Variants in LARP4B observed in about 807,000 individuals in gnomAD.
LARP4B encodes La ribonucleoprotein 4B, also known as la-related protein 4B.
A neutral mutation model predicts 89.8 loss-of-function variants in LARP4B; 12 were observed. That is an observed-to-expected ratio of 0.13 (90% CI 0.09 to 0.22). The LOEUF is 0.22. Among genes scored for constraint, LARP4B ranks in the 10% least tolerant of loss-of-function variants. The probability of loss-of-function intolerance (pLI) is 1.00; values close to 1 mark genes in which losing one functional copy is unlikely to be tolerated. For missense variants in LARP4B, 757 were observed against 947.7 expected (o/e 0.80, Z 2.64); for synonymous variants, 367 against 363.3 (o/e 1.01, Z -0.12).
At position 822,521 on chromosome 10, in the gene LARP4B, T is replaced by C. The variant is rs1399252752; in HGVS notation, c.1485-1676A>G. Among the ~76,000 whole-genome samples the C allele has an allele frequency of 2.0e-5, 3 of 152,166 alleles. No homozygotes were observed. The highest frequency in any genetic ancestry group is 7.2e-5 in the African/African-American group (3 of 41,442). ...AGCCAACACTCCCCCACACCCTCAC[T>C]GGGCTCCACGTAACCCGTGTCAGAC... On this transcript the variant is annotated intron_variant, in intron 13 of 17. Coordinates refer to ENST00000316157, the MANE Select transcript of LARP4B (RefSeq NM_015155.3). This position sits in a 1 kb window ranked among gnomAD's most constrained non-coding sequence, Gnocchi z 4.6.
Position 815,182 on chromosome 10 carries a change from T to C in LARP4B, c.1696-112A>G, listed in dbSNP as rs940216614. On this transcript the variant is annotated intron_variant, in intron 15 of 17. Coordinates refer to ENST00000316157, the MANE Select transcript of LARP4B (RefSeq NM_015155.3). ...GCCTTGGGAGAGCAGCACAAGGACA[T>C]AGGGGAAGAGGGTCTTCTCCAGCAA... The C allele has an allele frequency of 5.3e-5, 70 of 1,310,938 alleles. 1 individual carries two copies. Among genetic ancestry groups the C allele is most frequent in the Admixed American group, 3.5e-4 (13 of 37,112 alleles). The allele number at this position is 1,310,938 out of a possible 1,614,324, so 81.2% of individuals were successfully genotyped here.
At chr10:858,842 T>A (rs1321875853) in intron 5 of LARP4B, among the ~76,000 whole-genome samples, 2 of 152,126 alleles carry the variant, frequency 1.3e-5, no homozygotes, top group African/African-American at 4.8e-5. Flanking sequence ...CCCACTAGAA[T>A]GACTACTATC....
At position 844,483 on chromosome 10, in the gene LARP4B, G is replaced by A. The variant is rs533449002; in HGVS notation, c.509+494C>T. ...CAGAAAACCTTATACACGGCCCATCGGTTGTTGTCATACTCAGAGAAATTA... is the reference window on the plus strand; with the variant it reads ...CAGAAAACCTTATACACGGCCCATCAGTTGTTGTCATACTCAGAGAAATTA... On this transcript the variant is annotated intron_variant, in intron 6 of 17. Coordinates refer to ENST00000316157, the MANE Select transcript of LARP4B (RefSeq NM_015155.3). Among the ~76,000 whole-genome samples, 3 of 152,204 alleles carry A rather than the reference G, an allele frequency of 2.0e-5. No homozygotes were observed. In the South Asian group the frequency reaches 6.2e-4, roughly 32 times the overall value.
rs1187300171 is a variant in LARP4B, at chr10:812,911, C to G, written c.*15G>C. 1 of 1,523,398 alleles carries G rather than the reference C, an allele frequency of 6.6e-7. No individual in the cohort carries two copies. The highest frequency in any genetic ancestry group is 8.8e-7 in the Non-Finnish European group (1 of 1,142,060). 94.4% of individuals were successfully genotyped at this position (1,523,398 alleles called of 1,614,324 possible). Reference sequence around the variant, plus strand: ...TTAACACAGCGCTCTGCGACCCCTCCCAGACGTACGGTTTTCACTGAGGAG... The same window carrying G: ...TTAACACAGCGCTCTGCGACCCCTCGCAGACGTACGGTTTTCACTGAGGAG... On this transcript the variant is annotated 3_prime_UTR_variant, in exon 18 of 18. Transcript: ENST00000316157.
chr10:882,938 A>G (rs529518700), intron 3 of LARP4B, among the ~76,000 whole-genome samples: 1 of 152,268 alleles, frequency 6.6e-6, no homozygotes, highest in Non-Finnish European at 1.5e-5. Flanking sequence ...CTAATCACTA[A>G]ACCAATGCAA....
intron 7 of LARP4B, among the ~76,000 whole-genome samples, chr10:836,818 T>C (rs1269137425): frequency 6.6e-6 from 1 of 152,238 alleles, no homozygotes; most frequent in African/African-American, 2.4e-5. Context: ...TCTTGTTTCA[T>C]AACTTGTTTC....
At chr10:910,738 T>C (rs78136720) in intron 1 of LARP4B, among the ~76,000 whole-genome samples, 1,810 of 152,348 alleles carry the variant, frequency 0.012, 33 homozygotes, top group African/African-American at 0.041. Flanking sequence ...TGGCAGATAC[T>C]GGTGGTTACG....
At chr10:978,290 T>C in the LARP4B span, among the ~76,000 whole-genome samples, 4 of 152,342 alleles carry the variant, frequency 2.6e-5, no homozygotes, top group South Asian at 2.1e-4. Flanking sequence ...TTTGTACTCA[T>C]GTACAGAGAA....
chr10:919,670 G>C (rs140634000), intron 1 of LARP4B, among the ~76,000 whole-genome samples: 2 of 152,334 alleles, frequency 1.3e-5, no homozygotes, highest in African/African-American at 4.8e-5. Context: ...AGAGCTCACA[G>C]CAAGTCACAT....
At chr10:945,548 CAT>C in the LARP4B span, among the ~76,000 whole-genome samples, 2 of 151,860 alleles carry the variant, frequency 1.3e-5, no homozygotes, top group Non-Finnish European at 2.9e-5. Context: ...ATTAGCCGGG[CAT>C]GGTGGCGGGC....
rs189699432 is a variant in LARP4B at position 885,426 on chromosome 10, G to A, written c.81+215C>T. Among the ~76,000 whole-genome samples the A allele has an allele frequency of 7.8e-4, 119 of 152,264 alleles. 1 individual carries two copies. The Middle Eastern group carries it at 0.01, about 13-fold the overall frequency. ...AACTTATTACTAAATAAATGTGTAT[G>A]CTTTTCTCTTGTTCATCTGTCTTTT... On this transcript the variant is annotated intron_variant, in intron 2 of 17. Coordinates refer to ENST00000316157, the MANE Select transcript of LARP4B (RefSeq NM_015155.3).
rs1259958247 is a variant in LARP4B at position 814,817 on chromosome 10, G to C, written c.1854C>G (p.Thr618=). ...CGGAAGGAAGTCTGTCCACACTGTG[G>C]GTTTCCCTCTGTTTCTCCGCCACCT... ...DPKVAEKQRE[T]HSVDRLPSAL... Residue 618 remains threonine (T), a synonymous_variant, in exon 17 of 18, where the codon ACC becomes ACG. Transcript: ENST00000316157. This position sits in a 1 kb window ranked among gnomAD's most constrained non-coding sequence, Gnocchi z 4.4. The C allele has an allele frequency of 3.8e-6, 6 of 1,598,146 alleles. No individual in the cohort carries two copies. Among genetic ancestry groups the C allele is most frequent in the Non-Finnish European group, 5.1e-6 (6 of 1,167,794 alleles).
chr10:940,159 A>G, the LARP4B span, among the ~76,000 whole-genome samples: 1 of 149,346 alleles, frequency 6.7e-6, no homozygotes, highest in African/African-American at 2.5e-5. Context: ...CTGGGATTAC[A>G]GGCATGCACC....
At chr10:864,708 C>T (rs993526445) in intron 3 of LARP4B, among the ~76,000 whole-genome samples, 6 of 152,214 alleles carry the variant, frequency 3.9e-5, no homozygotes, top group African/African-American at 1.4e-4. Context: ...AATCCCAGCA[C>T]TTTGGGAGGC....
At position 813,111 on chromosome 10, in the gene LARP4B, C is replaced by A. The variant is rs779589915; in HGVS notation, c.2032G>T (p.Gly678Cys). Residue 678 changes from glycine to cysteine, a missense_variant, in exon 18 of 18, where the codon GGT becomes TGT. Gly to Cys is a radical substitution (Grantham distance 159). This residue lies in a region of LARP4B where 387 missense variants were observed against 423.6 expected (regional missense o/e 0.91). Transcript: ENST00000316157. ...AGCTTCTTTTCCTCCTTCCCACAAC[C>A]AACAGTGTTTGGCTTTTGTTCTTTT... ...PQKEQKPNTV[G>C]CGKEEKKLAE... The A allele has an allele frequency of 7.7e-5, 125 of 1,614,050 alleles. No homozygotes were observed. Among genetic ancestry groups the A allele is most frequent in the Non-Finnish European group, 8.5e-7 (1 of 1,180,036 alleles).
the LARP4B span, among the ~76,000 whole-genome samples, chr10:982,066 G>A: frequency 6.9e-6 from 1 of 143,964 alleles, no homozygotes; most frequent in African/African-American, 2.6e-5. Context: ...TTTTTTTTTT[G>A]ATCTGCTACT....
intron 3 of LARP4B, among the ~76,000 whole-genome samples, chr10:874,249 A>G (rs1016791178): frequency 1.3e-5 from 2 of 152,206 alleles, no homozygotes; most frequent in African/African-American, 4.8e-5. Flanking sequence ...AAAACAAAAC[A>G]AAACAAAACA....
At chr10:859,731 G>A (rs997943046) in intron 5 of LARP4B, among the ~76,000 whole-genome samples, 2 of 152,178 alleles carry the variant, frequency 1.3e-5, no homozygotes, top group African/African-American at 4.8e-5. Context: ...TTGAAGACAT[G>A]GAGGAAGCTT....
chr10:884,428 A>C lies in LARP4B; in HGVS notation c.141+19T>G, dbSNP rs1835789861. 1.3e-6 allele frequency: 2 copies of C among 1,537,792 alleles called. No individual in the cohort carries two copies. The highest frequency in any genetic ancestry group is 1.8e-6 in the Non-Finnish European group (2 of 1,110,824). ...GACTGTGATTAAAAAATCTGTGATT[A>C]ATCTCAAAATTGAATTACCTGACTC... is the stretch of plus-strand genomic sequence containing the variant. On this transcript the variant is annotated intron_variant, in intron 3 of 17. Coordinates refer to ENST00000316157, the MANE Select transcript of LARP4B (RefSeq NM_015155.3).
Sources: gnomAD v4.1 joint callset for allele counts (sites outside exome capture counted in the v4.1 genomes callset) on GRCh38, gnomAD v4.1.1 for gene constraint, gnomAD v4.1.1 regional missense constraint, Gnocchi (gnomAD v3.1) non-coding constraint, MANE v1.5 for transcripts, NCBI Gene and HGNC (gene_info 2026-07-23, HGNC 2026-07-21) for gene names.